The following PPFIBP2 variants were observed in gnomAD, a reference collection of about 807,000 sequenced individuals.
The protein encoded by PPFIBP2 is liprin-beta-2.
In PPFIBP2, 118 loss-of-function variants were observed where a neutral mutation model predicts 118.3. The observed-to-expected ratio is 1.00, with a 90% CI of 0.86 to 1.16. PPFIBP2 has a LOEUF of 1.16. Ranked by LOEUF, PPFIBP2 falls within the 50% of genes most tolerant of loss-of-function variation. PPFIBP2 has a pLI of 0.00. For synonymous variants in PPFIBP2, 414 were observed against 397.4 expected (o/e 1.04, Z -0.50); for missense variants, 1,195 against 1,073.1 (o/e 1.11, Z -1.59).
In PPFIBP2 at chr11:7,616,681, C is replaced by T. The variant is rs1040531134; in HGVS notation, c.619-4254C>T. Reference sequence around the variant, plus strand: ...GATAAGTGTGATGTGTGCCATATGTCCCCTGTGCATAGGTGCTGACACGTT... The same window carrying T: ...GATAAGTGTGATGTGTGCCATATGTTCCCTGTGCATAGGTGCTGACACGTT... On this transcript the variant is annotated intron_variant, in intron 6 of 23. Transcript: ENST00000299492. This position sits in a 1 kb window ranked among gnomAD's most constrained non-coding sequence, Gnocchi z 5.2. Among the ~76,000 whole-genome samples the T allele has an allele frequency of 7.2e-5, 11 of 152,194 alleles. No individual in the cohort carries two copies. In the East Asian group the frequency reaches 1.7e-3, roughly 24 times the overall value.
At position 7,616,130 on chromosome 11, in the gene PPFIBP2, A is replaced by G. The variant is rs1026064164; in HGVS notation, c.619-4805A>G. Among the ~76,000 whole-genome samples, 1 of 152,060 alleles carries G rather than the reference A, an allele frequency of 6.6e-6. No homozygotes were observed. ...ACAATGCTGAGGACAACACAAAGCCATACACACACATACACACGCACACAC... is the reference window on the plus strand; with the variant it reads ...ACAATGCTGAGGACAACACAAAGCCGTACACACACATACACACGCACACAC... On this transcript the variant is annotated intron_variant, in intron 6 of 23. Transcript: ENST00000299492. This position sits in a 1 kb window ranked among gnomAD's most constrained non-coding sequence, Gnocchi z 5.2.
At position 7,653,329 on chromosome 11, in the gene PPFIBP2, T is replaced by C; in HGVS notation, c.*111T>C. 1 of 1,520,328 alleles carries C rather than the reference T, an allele frequency of 6.6e-7. No homozygotes were observed. The highest frequency in any genetic ancestry group is 1.4e-5 in the African/African-American group (1 of 73,036). The allele number at this position is 1,520,328 out of a possible 1,614,324, so 94.2% of individuals were successfully genotyped here. ...CGTGTGCATGACTCGCAGAGAATAT[T>C]CCAGCAATTGTGTACCCCTGGGCCA... On this transcript the variant is annotated 3_prime_UTR_variant, in exon 24 of 24. Coordinates refer to ENST00000299492, the MANE Select transcript of PPFIBP2 (RefSeq NM_003621.5).
downstream of PPFIBP2, among the ~76,000 whole-genome samples, chr11:7,661,015 G>GCA (rs1854879071): frequency 1.3e-5 from 2 of 151,786 alleles, no homozygotes; most frequent in South Asian, 4.2e-4. Context: ...ATTTTTTATT[G>GCA]TGTCTATTTG....
At chr11:7,659,910 A>C (rs1408068379), downstream of PPFIBP2, among the ~76,000 whole-genome samples, 36 of 121,994 alleles carry the variant, frequency 3.0e-4, 3 homozygotes, top group African/African-American at 9.2e-4. Context: ...CTTTGAAGCA[A>C]TTGTGAATGG....
At chr11:7,596,615 T>C (rs1287484094) in intron 4 of PPFIBP2, among the ~76,000 whole-genome samples, 1 of 152,184 alleles carries the variant, frequency 6.6e-6, no homozygotes. Flanking sequence ...TCATGCACCA[T>C]CTATTATTCC....
intron 14 of PPFIBP2, among the ~76,000 whole-genome samples, chr11:7,639,499 G>GTTTC (rs1313661704): frequency 6.6e-6 from 1 of 152,180 alleles, no homozygotes; most frequent in Non-Finnish European, 1.5e-5. Context: ...GTCAGCCCCA[G>GTTTC]ATTTGCACTT....
downstream of PPFIBP2, chr11:7,656,658 G>A (rs540107558): frequency 2.5e-6 from 3 of 1,181,014 alleles, no homozygotes; most frequent in South Asian, 3.8e-5. Flanking sequence ...TCTAGTTCCG[G>A]TGCAGCTGCC....
Position 7,653,651 on chromosome 11 carries a change from G to A in PPFIBP2, c.*433G>A. On this transcript the variant is annotated 3_prime_UTR_variant, in exon 24 of 24. Transcript: ENST00000299492. ...ACCACAGTCTTGGCTGAGATCAAAG[G>A]GATGAGCAACAGGGACTTCTGCCAC... 1 of 1,292,608 alleles carries A rather than the reference G, an allele frequency of 7.7e-7. No individual in the cohort carries two copies. The highest frequency in any genetic ancestry group is 1.0e-6 in the Non-Finnish European group (1 of 991,254). 80.1% of individuals were successfully genotyped at this position (1,292,608 alleles called of 1,614,324 possible).
At chr11:7,666,485 G>A in the PPFIBP2 span, 14 of 1,613,198 alleles carry the variant, frequency 8.7e-6, no homozygotes, top group South Asian at 6.6e-5. Flanking sequence ...ACCACAGGTT[G>A]AACTGGTCTG....
intron 3 of PPFIBP2, among the ~76,000 whole-genome samples, chr11:7,585,166 C>T (rs1211186018): frequency 6.6e-6 from 1 of 152,136 alleles, no homozygotes; most frequent in Non-Finnish European, 1.5e-5. Context: ...CCTGAAGGCA[C>T]TGGAATTTAT....
downstream of PPFIBP2, among the ~76,000 whole-genome samples, chr11:7,654,957 T>C (rs1184363766): frequency 6.6e-6 from 1 of 152,130 alleles, no homozygotes; most frequent in Non-Finnish European, 1.5e-5. Flanking sequence ...AGACCAGCAT[T>C]ACCTGAGAAG....
At chr11:7,568,896 G>A (rs1469499838) in intron 3 of PPFIBP2, 1 of 152,240 alleles carries the variant, frequency 6.6e-6, no homozygotes, top group Non-Finnish European at 1.5e-5. Context: ...TTATTCACAA[G>A]CTATGGATGC....
intron 1 of PPFIBP2, among the ~76,000 whole-genome samples, chr11:7,547,687 T>C (rs541536588): frequency 6.6e-6 from 1 of 152,292 alleles, no homozygotes; most frequent in South Asian, 2.1e-4. Flanking sequence ...TTGCAGCCTT[T>C]TCTGGCTCCT....
At chr11:7,639,649 G>A in intron 14 of PPFIBP2, 83 bp from the exon 15 acceptor site, 2 of 1,566,738 alleles carry the variant, frequency 1.3e-6, no homozygotes, top group Non-Finnish European at 1.7e-6. Context: ...TTGCAAAACA[G>A]GGAGTTGTTC....
At chr11:7,618,783 T>C (rs1848990687) in intron 6 of PPFIBP2, among the ~76,000 whole-genome samples, 1 of 152,076 alleles carries the variant, frequency 6.6e-6, no homozygotes, top group East Asian at 1.9e-4. Flanking sequence ...GGTTTCACCA[T>C]GTTAGCCAGG....
chr11:7,601,124 C>T (rs1387046117), intron 5 of PPFIBP2, among the ~76,000 whole-genome samples: 1 of 152,186 alleles, frequency 6.6e-6, no homozygotes, highest in Non-Finnish European at 1.5e-5. Flanking sequence ...CCAATGTCAA[C>T]CTTCCTCCAG....
chr11:7,539,626 C>T (rs1001785920), intron 1 of PPFIBP2, among the ~76,000 whole-genome samples: 5 of 152,130 alleles, frequency 3.3e-5, no homozygotes, highest in African/African-American at 9.7e-5. Context: ...CCTGTGAGGG[C>T]CTTACCACTT....
intron 5 of PPFIBP2, among the ~76,000 whole-genome samples, chr11:7,599,672 C>T (rs1172506380): frequency 6.6e-6 from 1 of 150,690 alleles, no homozygotes; most frequent in African/African-American, 2.5e-5. Flanking sequence ...TCTCAGTTGC[C>T]CAGGCTGGAG....
At chr11:7,653,776 T>G, downstream of PPFIBP2, 4 of 1,191,124 alleles carry the variant, frequency 3.4e-6, no homozygotes, top group Admixed American at 3.6e-5. Flanking sequence ...TCACCATATC[T>G]TTAACTTTGT....
Sources: gnomAD v4.1 joint callset for allele counts (sites outside exome capture counted in the v4.1 genomes callset) on GRCh38, gnomAD v4.1.1 for gene constraint, Gnocchi (gnomAD v3.1) non-coding constraint, MANE v1.5 for transcripts, NCBI Gene and HGNC (gene_info 2026-07-23, HGNC 2026-07-21) for gene names.